The following EIF2D variants were observed in gnomAD, a reference collection of about 807,000 sequenced individuals.
EIF2D encodes hepatocellular carcinoma-associated antigen 56.
Under a neutral mutation model 77.4 loss-of-function variants are expected in EIF2D, and 56 were observed. The ratio of observed to expected loss-of-function variants is 0.72; its 90% CI spans 0.58 to 0.90. The LOEUF is 0.90. Among genes scored for constraint, EIF2D ranks in the 40% least tolerant of loss-of-function variants. The pLI is 0.00. For missense variants in EIF2D, 574 were observed against 706.5 expected (o/e 0.81, Z 2.13); for synonymous variants, 230 against 271.0 (o/e 0.85, Z 1.49).
chr1:206,609,340 TC>T, intron 3 of EIF2D, 35 bp downstream of exon 3: 4 of 1,588,514 alleles, frequency 2.5e-6, no homozygotes, highest in Non-Finnish European at 3.4e-6. Flanking sequence ...TAAGTAGGTT[TC>T]AGCCAATAGC....
chr1:206,609,104 TC>T (rs1670344543), intron 3 of EIF2D, among the ~76,000 whole-genome samples: 1 of 152,122 alleles, frequency 6.6e-6, no homozygotes, highest in African/African-American at 2.4e-5. Context: ...ATCTGTCTTG[TC>T]CTAGTTTCCT....
In EIF2D at chr1:206,612,356, G is replaced by A; in HGVS notation, c.-14C>T. The A allele has an allele frequency of 6.2e-7, 1 of 1,614,264 alleles. No homozygotes were observed. The highest frequency in any genetic ancestry group is 8.5e-7 in the Non-Finnish European group (1 of 1,180,036). ...CTTGGCAAACATGTCTGCTGGGGTGGCCTGGGGAAGAGAGCACAGAAGCCA... is the reference window on the plus strand; with the variant it reads ...CTTGGCAAACATGTCTGCTGGGGTGACCTGGGGAAGAGAGCACAGAAGCCA... On this transcript the variant is annotated 5_prime_UTR_variant, in exon 1 of 15. Coordinates refer to ENST00000271764, the MANE Select transcript of EIF2D (RefSeq NM_006893.3).
chr1:206,608,896 A>G (rs1670330218), intron 3 of EIF2D, among the ~76,000 whole-genome samples: 1 of 152,196 alleles, frequency 6.6e-6, no homozygotes, highest in South Asian at 2.1e-4. Flanking sequence ...TACTAAAAAT[A>G]CAAAAATTAG....
At chr1:206,569,191 C>T (rs1206317385), downstream of EIF2D, among the ~76,000 whole-genome samples, 5 of 152,214 alleles carry the variant, frequency 3.3e-5, no homozygotes, top group South Asian at 2.1e-4. Flanking sequence ...AACGTGTATT[C>T]GCGGGAGCCT....
In EIF2D at chr1:206,609,471, G is replaced by C. The variant is rs782215685; in HGVS notation, c.248-12C>G. The C allele has an allele frequency of 2.5e-6, 4 of 1,607,616 alleles. No individual in the cohort carries two copies. The East Asian group carries it at 8.9e-5, about 36-fold the overall frequency. The stretch of plus-strand genomic sequence containing the variant: ...CCACAGCGTGTACACTGTACAAAAA[G>C]AGATCCAGAAAACACTACTACCAAA... On this transcript the variant is annotated splice_polypyrimidine_tract_variant and intron_variant, in intron 2 of 14. Transcript: ENST00000271764.
In EIF2D at chr1:206,599,735, C is replaced by T. The variant is rs41274816; in HGVS notation, c.1050G>A (p.Pro350=). The T allele has an allele frequency of 2.8e-3, 4,456 of 1,614,134 alleles. 17 individuals are homozygous for T. The highest frequency in any genetic ancestry group is 3.5e-3 in the Middle Eastern group (21 of 6,062). Residue 350 remains proline, a splice_region_variant and synonymous_variant, in exon 9 of 15, where the codon CCG becomes CCA. Coordinates refer to ENST00000271764, the MANE Select transcript of EIF2D (RefSeq NM_006893.3). The surrounding 1 kb of genome is among the most constrained non-coding windows in gnomAD (Gnocchi z 4.1). ...AGTGACAGGCCCCCTGCACTCACCT[C>T]GGGTGTTTCCAGTCCACAGCCACAA... ...ESIVAVDWKH[P]RITSFVIPEP...
chr1:206,575,790 G>A lies in EIF2D; in HGVS notation c.*255-3091C>T, dbSNP rs11800172. 3.7e-3 allele frequency among the ~76,000 whole-genome samples: 571 copies of A among 152,326 alleles called. 5 individuals carry two copies. Among genetic ancestry groups the A allele is most frequent in the African/African-American group, 0.013 (537 of 41,556 alleles). On this transcript the variant is annotated intron_variant and NMD_transcript_variant, in intron 4 of 5. Transcript: ENST00000472709. The stretch of plus-strand genomic sequence containing the variant: ...TGAGAGGGGAAGTAGCTCCCCAGAC[G>A]TCACAGGTCATTTGATGGTCTTGCA...
intron 14 of EIF2D, 116 bp from the exon 15 acceptor site, chr1:206,591,961 G>C (rs1656693751): frequency 1.0e-6 from 1 of 966,150 alleles, no homozygotes; most frequent in Admixed American, 1.8e-5. Context: ...CTCAACTTCG[G>C]GACTGACCAC....
At chr1:206,602,667 G>A in intron 6 of EIF2D, 1 of 634,372 alleles carries the variant, frequency 1.6e-6, no homozygotes, top group Non-Finnish European at 2.7e-6. Flanking sequence ...ACCAAGCTAG[G>A]AGTGTTCACC....
rs1553407194 is a variant in EIF2D at position 206,584,674 on chromosome 1, G to C, written c.139-3512C>G. 2 of 1,614,218 alleles carry C rather than the reference G, an allele frequency of 1.2e-6. No homozygotes were observed. The highest frequency in any genetic ancestry group is 4.5e-5 in the East Asian group (2 of 44,880). On this transcript the variant is annotated intron_variant and NMD_transcript_variant, in intron 2 of 5. Transcript: ENST00000472709. The surrounding 1 kb of genome is among the most constrained non-coding windows in gnomAD (Gnocchi z 4.9). ...TTGCACTTTTTAAGCGGATACACAA[G>C]GACGGACAAGGTAGGAGAAAGAGTG...
rs1483145500 is a variant in EIF2D at position 206,595,746 on chromosome 1, G to C, written c.1481C>G (p.Thr494Ser). ...TTTATTAGACGCTCTTTGTGCTAGG[G>C]TGATGTCAATTGGACAGATTCTCCC... ...KKGRICPIDI[T>S]LAQRASNKKV... The change falls in exon 13 of 15, where the codon ACC becomes AGC. Residue 494 changes from threonine (T) to serine (S), a missense_variant. Transcript: ENST00000271764. 1 of 1,614,124 alleles carries C rather than the reference G, an allele frequency of 6.2e-7. No individual in the cohort carries two copies. Among genetic ancestry groups the C allele is most frequent in the Non-Finnish European group, 8.5e-7 (1 of 1,179,992 alleles).
In EIF2D at chr1:206,579,232, G is replaced by T. The variant is rs958767532; in HGVS notation, c.*254+1460C>A. Reference sequence around the variant, plus strand: ...TGCCACCAATGCCAGGGGCTTAATCGGAATAGATGAATTCCATGCCAGATG... The same window carrying T: ...TGCCACCAATGCCAGGGGCTTAATCTGAATAGATGAATTCCATGCCAGATG... On this transcript the variant is annotated intron_variant and NMD_transcript_variant, in intron 4 of 5. Coordinates refer to the EIF2D transcript ENST00000472709. This position sits in a 1 kb window ranked among gnomAD's most constrained non-coding sequence, Gnocchi z 4.2. Among the ~76,000 whole-genome samples, 1 of 152,188 alleles carries T rather than the reference G, an allele frequency of 6.6e-6. No homozygotes were observed. The highest frequency in any genetic ancestry group is 1.5e-5 in the Non-Finnish European group (1 of 68,028).
intron 5 of EIF2D, among the ~76,000 whole-genome samples, chr1:206,604,037 A>AT (rs1670061245): frequency 1.3e-5 from 2 of 152,232 alleles, no homozygotes; most frequent in Admixed American, 6.5e-5. Flanking sequence ...GCCCAGACTG[A>AT]TAGTTAAACA....
downstream of EIF2D, chr1:206,591,510 G>C: frequency 4.0e-6 from 2 of 501,324 alleles, no homozygotes; most frequent in African/African-American, 3.8e-5. Context: ...GGAAAGCAGG[G>C]AAGGAATGAA....
At position 206,608,379 on chromosome 1, in the gene EIF2D, C is replaced by T. The variant is rs113793535; in HGVS notation, c.332-53G>A. On this transcript the variant is annotated intron_variant, in intron 3 of 14. Coordinates refer to ENST00000271764, the MANE Select transcript of EIF2D (RefSeq NM_006893.3). ...TGCATTCAGCCTCCATCTCACTCTG[C>T]GTTTTACTTCATCATTTCCTCACTC... is the stretch of plus-strand genomic sequence containing the variant. 1.4e-3 allele frequency: 2,026 copies of T among 1,417,046 alleles called. 26 individuals carry two copies. In the African/African-American group the frequency reaches 0.025, roughly 18 times the overall value. The allele number at this position is 1,417,046 out of a possible 1,614,324, so 87.8% of individuals were successfully genotyped here.
chr1:206,577,520 G>A (rs1247521718), intron 4 of EIF2D, among the ~76,000 whole-genome samples: 2 of 152,182 alleles, frequency 1.3e-5, no homozygotes, highest in Admixed American at 1.3e-4. Flanking sequence ...AAGAAACTGA[G>A]GCTTAGAGAT....
At position 206,585,210 on chromosome 1, in the gene EIF2D, G is replaced by A. The variant is rs782312271; in HGVS notation, c.139-4048C>T. On this transcript the variant is annotated intron_variant and NMD_transcript_variant, in intron 2 of 5. Coordinates refer to the EIF2D transcript ENST00000472709. ...TTCCAGAAACTCTCCATTGCTGACC[G>A]CCCCCTCTACCTGCGCCTGCTTGCT... 9.3e-6 allele frequency: 15 copies of A among 1,613,852 alleles called. No homozygotes were observed. Among genetic ancestry groups the A allele is most frequent in the Non-Finnish European group, 6.8e-6 (8 of 1,179,968 alleles).
chr1:206,597,025 G>A lies in EIF2D; in HGVS notation c.1388+75C>T, dbSNP rs559986692. The A allele has an allele frequency of 8.4e-5, 91 of 1,080,224 alleles. No individual in the cohort carries two copies. The African/African-American group carries it at 1.3e-3, about 15-fold the overall frequency. The allele number at this position is 1,080,224 out of a possible 1,614,324, so 66.9% of individuals were successfully genotyped here. Reference sequence around the variant, plus strand: ...AAAATCAAAGGCTAAGATAGTGACAGTATTAAAGTTCAATGTGATCAACAT... The same window carrying A: ...AAAATCAAAGGCTAAGATAGTGACAATATTAAAGTTCAATGTGATCAACAT... On this transcript the variant is annotated intron_variant, in intron 12 of 14. Coordinates refer to ENST00000271764, the MANE Select transcript of EIF2D (RefSeq NM_006893.3).
At chr1:206,609,007 A>G (rs1279807135) in intron 3 of EIF2D, among the ~76,000 whole-genome samples, 1 of 152,066 alleles carries the variant, frequency 6.6e-6, no homozygotes, top group Non-Finnish European at 1.5e-5. Flanking sequence ...AGCCGAGATC[A>G]TGCCACTGCA....
Sources: allele counts gnomAD v4.1 joint callset (sites outside exome capture counted in the v4.1 genomes callset), GRCh38; gene constraint gnomAD v4.1.1; non-coding constraint Gnocchi (gnomAD v3.1); transcripts MANE v1.5; gene names NCBI Gene and HGNC (gene_info 2026-07-23, HGNC 2026-07-21).